GRM7: variants seen among roughly 807,000 people sequenced by gnomAD.
The protein encoded by GRM7 is metabotropic glutamate receptor 7.
Under a neutral mutation model 84.5 loss-of-function variants are expected in GRM7, and 35 were observed. The ratio of observed to expected loss-of-function variants is 0.41; its 90% CI spans 0.32 to 0.55. The LOEUF (loss-of-function observed/expected upper bound fraction) is 0.55. Ranked by LOEUF, GRM7 falls within the 20% of genes least tolerant of loss-of-function variation. GRM7 has a pLI of 0.19. For synonymous variants in GRM7, 487 were observed against 455.1 expected, an observed-to-expected ratio of 1.07 and a Z score of -0.89; for missense variants, 1,003 against 1,194.6, an observed-to-expected ratio of 0.84 and a Z score of 2.36.
At chr3:7,218,651 A>T (rs988446191) in intron 2 of GRM7, among the ~76,000 whole-genome samples, 2 of 151,992 alleles carry the variant, frequency 1.3e-5, no homozygotes, top group Non-Finnish European at 2.9e-5. Context: ...TTTTCTGATT[A>T]ATTGGGAAGG....
At chr3:6,913,137 AT>A (rs1248089630) in intron 1 of GRM7, among the ~76,000 whole-genome samples, 1 of 152,086 alleles carries the variant, frequency 6.6e-6, no homozygotes, top group Non-Finnish European at 1.5e-5. Context: ...TGTAACTCCT[AT>A]TGTGTCCATT....
rs1699481735 is a variant in GRM7, at chr3:7,490,545, A to G, written c.1515+28823A>G. Among the ~76,000 whole-genome samples the G allele has an allele frequency of 2.0e-5, 3 of 152,094 alleles. 1 individual carries two copies. Among genetic ancestry groups the G allele is most frequent in the South Asian group, 4.1e-4 (2 of 4,830 alleles). On this transcript the variant is annotated intron_variant, in intron 7 of 9. Coordinates refer to ENST00000357716, the MANE Select transcript of GRM7 (RefSeq NM_000844.4). ...CCTGAAACTATAATGTTGAAATATC[A>G]CTTGTTGTAGCATATTTATTGTGAT...
chr3:6,999,367 A>G (rs1453226070), intron 1 of GRM7, among the ~76,000 whole-genome samples: 1 of 152,154 alleles, frequency 6.6e-6, no homozygotes, highest in Non-Finnish European at 1.5e-5. Context: ...ACTTTCCCAC[A>G]TCTTCCTGTC....
intron 4 of GRM7, among the ~76,000 whole-genome samples, chr3:7,409,480 T>C (rs1695822737): frequency 6.6e-6 from 1 of 152,194 alleles, no homozygotes. Flanking sequence ...TTTTTCACTG[T>C]GTCTCTAAGT....
chr3:7,492,663 C>A (rs532633548), intron 7 of GRM7, among the ~76,000 whole-genome samples: 1 of 151,858 alleles, frequency 6.6e-6, no homozygotes, highest in East Asian at 1.9e-4. Context: ...TTTCATTGAT[C>A]TTTTTTCCTA....
At chr3:7,539,719 C>T (rs1692767219) in intron 7 of GRM7, among the ~76,000 whole-genome samples, 1 of 148,798 alleles carries the variant, frequency 6.7e-6, no homozygotes, top group Non-Finnish European at 1.5e-5. Flanking sequence ...TCACAGACAA[C>T]CTGGGAAAAG....
intron 1 of GRM7, among the ~76,000 whole-genome samples, chr3:6,921,966 C>G (rs948320727): frequency 2.6e-5 from 4 of 152,146 alleles, no homozygotes; most frequent in South Asian, 2.1e-4. Flanking sequence ...TCTCACTGCT[C>G]AATAGACGTC....
intron 2 of GRM7, among the ~76,000 whole-genome samples, chr3:7,150,255 T>C (rs1305094711): frequency 6.6e-6 from 1 of 152,134 alleles, no homozygotes; most frequent in Non-Finnish European, 1.5e-5. Context: ...TTTAAAATGC[T>C]TTAGCTTCAA....
intron 2 of GRM7, among the ~76,000 whole-genome samples, chr3:7,153,244 C>A (rs1273545312): frequency 6.7e-6 from 1 of 148,974 alleles, no homozygotes; most frequent in African/African-American, 2.5e-5. Context: ...GTTTATTATC[C>A]CTCATAACTT....
chr3:7,055,725 T>G (rs1309629083), intron 1 of GRM7, among the ~76,000 whole-genome samples: 1 of 151,976 alleles, frequency 6.6e-6, no homozygotes, highest in African/African-American at 2.4e-5. Flanking sequence ...TTCACCATGT[T>G]TGCTACGCTG....
intron 2 of GRM7, among the ~76,000 whole-genome samples, chr3:7,156,448 G>A (rs189461158): frequency 3.9e-5 from 6 of 152,248 alleles, no homozygotes; most frequent in Admixed American, 3.9e-4. Context: ...TAGAGTAATG[G>A]CTTTGGGTGG....
At chr3:7,203,424 G>A (rs533559679) in intron 2 of GRM7, among the ~76,000 whole-genome samples, 12 of 152,092 alleles carry the variant, frequency 7.9e-5, no homozygotes, top group South Asian at 2.1e-4. Flanking sequence ...ATTCCATATC[G>A]TGTACGTGTG....
chr3:7,467,181 A>G (rs866425682), intron 7 of GRM7, among the ~76,000 whole-genome samples: 14 of 151,772 alleles, frequency 9.2e-5, no homozygotes, highest in African/African-American at 3.1e-4. Flanking sequence ...TCCGCCTCCC[A>G]GGTTCAAACG....
chr3:7,270,341 T>C (rs1388425730), intron 2 of GRM7, among the ~76,000 whole-genome samples: 1 of 152,212 alleles, frequency 6.6e-6, no homozygotes, highest in Non-Finnish European at 1.5e-5. Flanking sequence ...TGTAACTTCA[T>C]TGAGGACAAA....
At chr3:7,263,690 T>A (rs913006746) in intron 2 of GRM7, among the ~76,000 whole-genome samples, 1 of 152,148 alleles carries the variant, frequency 6.6e-6, no homozygotes, top group Non-Finnish European at 1.5e-5. Flanking sequence ...GAGTTGGGTC[T>A]GCTGCTTTCC....
At chr3:7,246,246 C>T (rs1697754450) in intron 2 of GRM7, among the ~76,000 whole-genome samples, 1 of 152,112 alleles carries the variant, frequency 6.6e-6, no homozygotes, top group Non-Finnish European at 1.5e-5. Context: ...GAAACATCAG[C>T]TATGTGGCAA....
chr3:7,413,950 C>A (rs894251767), intron 4 of GRM7, among the ~76,000 whole-genome samples: 1 of 152,110 alleles, frequency 6.6e-6, no homozygotes, highest in East Asian at 1.9e-4. Context: ...ACTCACTGCC[C>A]TATAGGATGG....
chr3:7,050,719 G>A (rs147279943), intron 1 of GRM7, among the ~76,000 whole-genome samples: 3 of 151,922 alleles, frequency 2.0e-5, no homozygotes, highest in Non-Finnish European at 1.5e-5. Flanking sequence ...AATTTTATAG[G>A]AATGTTTCTG....
rs1439025711 is a variant in GRM7 at position 7,312,928 on chromosome 3, CTTTTTTTCTTT to C, written c.1033+6284_1033+6294del. Among the ~76,000 whole-genome samples the C allele has an allele frequency of 3.1e-3, 388 of 124,144 alleles. 2 individuals carry two copies. Among genetic ancestry groups the C allele is most frequent in the African/African-American group, 0.012 (339 of 28,510 alleles). The allele number at this position is 124,144 out of a possible 152,430, so 81.4% of individuals were successfully genotyped here. A position where few individuals can be genotyped will look rare whatever the true frequency, so the allele number is the denominator to read the frequency against. ...CTCCTGCCTTCTCCTCCTTTTTTTT[CTTTTTTTCTTT>C]TTTTTTTTTTTTTTTATCTCACTCT... On this transcript the variant is annotated intron_variant, in intron 4 of 9. Coordinates refer to ENST00000357716, the MANE Select transcript of GRM7 (RefSeq NM_000844.4).
Sources: allele counts gnomAD v4.1 joint callset (sites outside exome capture counted in the v4.1 genomes callset), GRCh38; gene constraint gnomAD v4.1.1; transcripts MANE v1.5; gene names NCBI Gene and HGNC (gene_info 2026-07-23, HGNC 2026-07-21).